Variants in SMARCAL1 observed in about 807,000 individuals in gnomAD.
SMARCAL1 encodes ATP-driven annealing helicase.
Under a neutral mutation model 94.5 loss-of-function variants are expected in SMARCAL1, and 58 were observed. The ratio of observed to expected loss-of-function variants is 0.61; its 90% confidence interval spans 0.50 to 0.76. SMARCAL1 has a LOEUF of 0.76. SMARCAL1 is among the 30% of genes least tolerant of loss of function. SMARCAL1 has a pLI of 0.00. For missense variants in SMARCAL1, 1,051 were observed against 1,177.9 expected, an observed-to-expected ratio of 0.89 and a Z score of 1.58; for synonymous variants, 422 against 455.1, an observed-to-expected ratio of 0.93 and a Z score of 0.93.
At chr2:216,473,025 C>A (rs149187090) in intron 14 of SMARCAL1, among the ~76,000 whole-genome samples, 3 of 152,288 alleles carry the variant, frequency 2.0e-5, no homozygotes, top group African/African-American at 7.2e-5. Context: ...TAATAGCATT[C>A]TTGAGGTATA....
At chr2:216,468,733 T>TA (rs1694889107) in intron 14 of SMARCAL1, among the ~76,000 whole-genome samples, 1 of 152,172 alleles carries the variant, frequency 6.6e-6, no homozygotes, top group South Asian at 2.1e-4. Flanking sequence ...AAGGTTTTTT[T>TA]ATTTTGAGGC....
chr2:216,464,811 A>T, intron 13 of SMARCAL1, 144 bp downstream of exon 13: 1 of 714,998 alleles, frequency 1.4e-6, no homozygotes, highest in Non-Finnish European at 2.5e-6. Flanking sequence ...TTGAGGAAGG[A>T]AAAAATAAAA....
rs1248591560 is a variant in SMARCAL1, at chr2:216,482,364, G to C, written c.2626-374G>C. On this transcript the variant is annotated intron_variant, in intron 17 of 17. Transcript: ENST00000357276. This position sits in a 1 kb window ranked among gnomAD's most constrained non-coding sequence, Gnocchi z 4.3. ...TGAATTATACCTTAACTGACCCTTA[G>C]TAGAGAAAGGCTTTGGAGGAAGTGA... Among the ~76,000 whole-genome samples, 1 of 152,192 alleles carries C rather than the reference G, an allele frequency of 6.6e-6. No individual in the cohort carries two copies. The highest frequency in any genetic ancestry group is 2.4e-5 in the African/African-American group (1 of 41,434).
chr2:216,453,525 C>G (rs933871642), intron 12 of SMARCAL1, among the ~76,000 whole-genome samples: 1 of 152,202 alleles, frequency 6.6e-6, no homozygotes, highest in Admixed American at 6.5e-5. Context: ...GATCATTGCT[C>G]TAACTTAATT....
chr2:216,419,409 G>T (rs1319087055), intron 4 of SMARCAL1, among the ~76,000 whole-genome samples: 1 of 152,008 alleles, frequency 6.6e-6, no homozygotes, highest in African/African-American at 2.4e-5. Flanking sequence ...TCTTTACTCA[G>T]GGTTTTTTTC....
chr2:216,478,165 G>T (rs375031831), intron 16 of SMARCAL1, 38 bp from the exon 17 acceptor site: 558 of 1,515,268 alleles, frequency 3.7e-4, no homozygotes, highest in Middle Eastern at 2.7e-3. Context: ...GTGGTTCTGT[G>T]CAGGTTGTAT....
chr2:216,467,977 A>G lies in SMARCAL1; in HGVS notation c.2175A>G (p.Arg725=), dbSNP rs2106077186. The G allele has an allele frequency of 3.7e-6, 6 of 1,613,642 alleles. No individual in the cohort carries two copies. The highest frequency in any genetic ancestry group is 5.1e-6 in the Non-Finnish European group (6 of 1,179,568). The change falls in exon 14 of 18, where the codon AGA becomes AGG. Residue 725 remains arginine (R), a synonymous_variant. Transcript: ENST00000357276. ...EYILDLLESG[R]EKFLVFAHHK... ...TCTTGGACCTACTGGAAAGTGGAAGAGAGAAGTTTTTAGTATTTGCACACC... is the reference window on the plus strand; with the variant it reads ...TCTTGGACCTACTGGAAAGTGGAAGGGAGAAGTTTTTAGTATTTGCACACC...
chr2:216,471,390 T>C (rs928930230), intron 14 of SMARCAL1, among the ~76,000 whole-genome samples: 1 of 151,548 alleles, frequency 6.6e-6, no homozygotes, highest in Admixed American at 6.6e-5. Context: ...GAGTTTTTGC[T>C]CTGTCGCTCA....
chr2:216,416,872 G>A (rs1276671905), intron 4 of SMARCAL1, among the ~76,000 whole-genome samples: 1 of 152,222 alleles, frequency 6.6e-6, no homozygotes, highest in Non-Finnish European at 1.5e-5. Context: ...GCAAGTTCCA[G>A]CTAATGCAGT....
At chr2:216,471,944 A>G (rs1439224685) in intron 14 of SMARCAL1, among the ~76,000 whole-genome samples, 5 of 152,224 alleles carry the variant, frequency 3.3e-5, no homozygotes, top group Non-Finnish European at 5.9e-5. Flanking sequence ...ATTGAACCCT[A>G]TAAGAACCTG....
In SMARCAL1 at chr2:216,480,782, A is replaced by G. The variant is rs1328260536; in HGVS notation, c.2626-1956A>G. On this transcript the variant is annotated intron_variant, in intron 17 of 17. Transcript: ENST00000357276. ...AGGTACGTTGAGACCTAATTCTATAAAGGCCTGAAAAGCCAGGGGAGCAAC... is the reference window on the plus strand; with the variant it reads ...AGGTACGTTGAGACCTAATTCTATAGAGGCCTGAAAAGCCAGGGGAGCAAC... Among the ~76,000 whole-genome samples the G allele has an allele frequency of 4.6e-5, 7 of 152,316 alleles. No homozygotes were observed. In the East Asian group the frequency reaches 1.4e-3, roughly 29 times the overall value.
intron 10 of SMARCAL1, 116 bp downstream of exon 10, chr2:216,438,601 T>G: frequency 2.3e-6 from 2 of 854,034 alleles, no homozygotes; most frequent in Non-Finnish European, 1.9e-6. Context: ...TGGGCCATGG[T>G]CATGACTTGG....
In SMARCAL1 at chr2:216,482,961, T is replaced by G. The variant is rs1168400155; in HGVS notation, c.2849T>G (p.Phe950Cys). 6.2e-7 allele frequency: 1 copy of G among 1,614,066 alleles called. No individual in the cohort carries two copies. Among genetic ancestry groups the G allele is most frequent in the Non-Finnish European group, 8.5e-7 (1 of 1,180,002 alleles). Reference sequence around the variant, plus strand: ...GAATTTTTTGATAACTGGGACAGCTTTACGTCTCCCCTGTAAAAGGGGCAA... The same window carrying G: ...GAATTTTTTGATAACTGGGACAGCTGTACGTCTCCCCTGTAAAAGGGGCAA... The part of the protein sequence containing the change: ...RFEFFDNWDS[F>C]TSPL Residue 950 changes from phenylalanine (F) to cysteine (C), a missense_variant, in exon 18 of 18, where the codon TTT (phenylalanine) becomes TGT (cysteine). Around this residue, in one of 3 missense-constraint regions of SMARCAL1, gnomAD observed 642 missense variants for 754.7 expected, o/e 0.85. Coordinates refer to ENST00000357276, the MANE Select transcript of SMARCAL1 (RefSeq NM_014140.4). This position sits in a 1 kb window ranked among gnomAD's most constrained non-coding sequence, Gnocchi z 4.3.
intron 12 of SMARCAL1, among the ~76,000 whole-genome samples, chr2:216,455,197 G>A (rs1158373496): frequency 6.6e-6 from 1 of 152,248 alleles, no homozygotes; most frequent in Non-Finnish European, 1.5e-5. Flanking sequence ...AAACAAAGCA[G>A]CTGGGAAGCT....
chr2:216,471,595 C>A (rs1231678799), intron 14 of SMARCAL1, among the ~76,000 whole-genome samples: 1 of 152,102 alleles, frequency 6.6e-6, no homozygotes, highest in African/African-American at 2.4e-5. Context: ...CTCTGGTGAT[C>A]CACCCACCTT....
intron 6 of SMARCAL1, among the ~76,000 whole-genome samples, chr2:216,425,271 G>A (rs1476449024): frequency 4.6e-5 from 7 of 152,222 alleles, no homozygotes; most frequent in Admixed American, 1.3e-4. Context: ...GCAGCAGAGC[G>A]GGCAGCTCCA....
At chr2:216,471,095 A>G (rs1694956533) in intron 14 of SMARCAL1, among the ~76,000 whole-genome samples, 1 of 152,120 alleles carries the variant, frequency 6.6e-6, no homozygotes, top group South Asian at 2.1e-4. Context: ...AATTTCTTCA[A>G]CAAAGTTTGG....
Position 216,475,481 on chromosome 2 carries a change from C to A in SMARCAL1, c.2427+30C>A. 6.2e-7 allele frequency: 1 copy of A among 1,607,402 alleles called. No homozygotes were observed. Among genetic ancestry groups the A allele is most frequent in the Non-Finnish European group, 8.5e-7 (1 of 1,173,842 alleles). ...GAGACGCAGAAGACTCAGATACTCC[C>A]CAGGCATGCTCATGGCTGTGGGCAG... On this transcript the variant is annotated intron_variant, in intron 15 of 17. Transcript: ENST00000357276. This position sits in a 1 kb window ranked among gnomAD's most constrained non-coding sequence, Gnocchi z 4.4.
At chr2:216,418,988 C>G (rs1226703380) in intron 4 of SMARCAL1, among the ~76,000 whole-genome samples, 1 of 152,192 alleles carries the variant, frequency 6.6e-6, no homozygotes, top group Non-Finnish European at 1.5e-5. Context: ...ATGTGTCATA[C>G]ATTGCTTAAA....
Sources: allele counts gnomAD v4.1 joint callset (sites outside exome capture counted in the v4.1 genomes callset), GRCh38; gene constraint gnomAD v4.1.1; regional missense constraint gnomAD v4.1.1; non-coding constraint Gnocchi (gnomAD v3.1); transcripts MANE v1.5; gene names NCBI Gene and HGNC (gene_info 2026-07-23, HGNC 2026-07-21).